Variants in NAALADL2 observed in about 807,000 individuals in gnomAD.
The protein encoded by NAALADL2 is N-acetylated alpha-linked acidic dipeptidase like 2, also known as inactive N-acetylated-alpha-linked acidic dipeptidase-like protein 2.
Under a neutral mutation model 87.2 loss-of-function variants are expected in NAALADL2, and 76 were observed. The observed-to-expected ratio is 0.87, with a 90% CI of 0.72 to 1.05. The LOEUF (loss-of-function observed/expected upper bound fraction) is 1.05, where lower values mean the gene tolerates loss of function less well. Among genes scored for constraint, NAALADL2 ranks in the 50% least tolerant of loss-of-function variants. The probability of loss-of-function intolerance (pLI) is 0.00; values close to 1 mark genes in which losing one functional copy is unlikely to be tolerated. For synonymous variants in NAALADL2, 354 were observed against 331.0 expected (o/e 1.07, Z -0.75); for missense variants, 1,089 against 945.8 (o/e 1.15, Z -1.99).
intron 2 of NAALADL2, among the ~76,000 whole-genome samples, chr3:174,577,901 T>A (rs565206235): frequency 2.0e-5 from 3 of 152,082 alleles, no homozygotes; most frequent in Non-Finnish European, 2.9e-5. Flanking sequence ...TTCTGATTAG[T>A]GAAAAGATGG....
At chr3:175,799,399 T>G (rs1416295054) in intron 13 of NAALADL2, among the ~76,000 whole-genome samples, 2 of 152,120 alleles carry the variant, frequency 1.3e-5, no homozygotes, top group Non-Finnish European at 2.9e-5. Flanking sequence ...ACTAAATGAC[T>G]TTTTCATCAT....
At chr3:175,052,218 C>G (rs1755495960) in intron 1 of NAALADL2, among the ~76,000 whole-genome samples, 1 of 152,192 alleles carries the variant, frequency 6.6e-6, no homozygotes, top group Non-Finnish European at 1.5e-5. Flanking sequence ...TTAAGAACAT[C>G]TTTCAGTGGT....
chr3:175,001,269 T>G (rs1748189875), intron 1 of NAALADL2, among the ~76,000 whole-genome samples: 1 of 152,214 alleles, frequency 6.6e-6, no homozygotes, highest in Non-Finnish European at 1.5e-5. Flanking sequence ...GAATCTGTAT[T>G]TCTGACAAGC....
At chr3:175,135,934 G>T (rs1729048431) in intron 2 of NAALADL2, among the ~76,000 whole-genome samples, 1 of 152,152 alleles carries the variant, frequency 6.6e-6, no homozygotes, top group Non-Finnish European at 1.5e-5. Flanking sequence ...TTAAATATCA[G>T]AAGCAGAACC....
chr3:175,324,028 C>CAAAAA (rs372517580), intron 4 of NAALADL2, 147 bp from the exon 5 acceptor site: 5,844 of 422,040 alleles, frequency 0.014, 17 homozygotes, highest in East Asian at 0.029. Context: ...AAAAAACAAA[C>CAAAAA]AAAAAAAAAA....
At chr3:174,939,819 T>C (rs1263489698) in intron 1 of NAALADL2, among the ~76,000 whole-genome samples, 1 of 152,070 alleles carries the variant, frequency 6.6e-6, no homozygotes, top group Non-Finnish European at 1.5e-5. Flanking sequence ...GCTGTTGTGG[T>C]ATATAGCAAT....
chr3:175,312,307 AC>A (rs1560337163), intron 4 of NAALADL2, among the ~76,000 whole-genome samples: 1 of 152,210 alleles, frequency 6.6e-6, no homozygotes, highest in Admixed American at 6.5e-5. Flanking sequence ...ATAAGAATGT[AC>A]TATGAGATGT....
At chr3:175,731,320 C>G (rs1156281047) in intron 11 of NAALADL2, among the ~76,000 whole-genome samples, 3 of 152,146 alleles carry the variant, frequency 2.0e-5, no homozygotes, top group Non-Finnish European at 4.4e-5. Context: ...AACTTCCATA[C>G]AGCTCTGATA....
chr3:174,838,930 A>G (rs1723686660), intron 3 of NAALADL2, among the ~76,000 whole-genome samples: 1 of 152,064 alleles, frequency 6.6e-6, no homozygotes, highest in African/African-American at 2.4e-5. Context: ...GCCAAATACA[A>G]TCTACAAATT....
intron 3 of NAALADL2, among the ~76,000 whole-genome samples, chr3:174,834,529 A>G (rs1332565360): frequency 6.6e-6 from 1 of 152,018 alleles, no homozygotes. Context: ...TTCAAATGTC[A>G]TGTTCCAATA....
At chr3:175,253,208 C>T (rs1452933409) in intron 3 of NAALADL2, among the ~76,000 whole-genome samples, 4 of 152,142 alleles carry the variant, frequency 2.6e-5, no homozygotes, top group South Asian at 4.1e-4. Context: ...GGCTGACTCT[C>T]GTTAGGATGT....
chr3:174,516,236 T>C (rs1719926899), intron 1 of NAALADL2, among the ~76,000 whole-genome samples: 1 of 152,066 alleles, frequency 6.6e-6, no homozygotes, highest in Non-Finnish European at 1.5e-5. Flanking sequence ...TGAGAGCAAT[T>C]TCATTTGTTA....
intron 3 of NAALADL2, among the ~76,000 whole-genome samples, chr3:174,793,538 C>G (rs9812110): frequency 0.19 from 28,635 of 152,040 alleles, 2,927 homozygotes; most frequent in East Asian, 0.35. Context: ...AATCATGTGT[C>G]CATTGATAGT....
chr3:175,790,285 T>G (rs1213546217), intron 13 of NAALADL2, among the ~76,000 whole-genome samples: 1 of 152,096 alleles, frequency 6.6e-6, no homozygotes, highest in Non-Finnish European at 1.5e-5. Flanking sequence ...GGGCCCCAGA[T>G]CCATTGTTCA....
At chr3:175,799,020 T>A (rs1016221182) in intron 13 of NAALADL2, among the ~76,000 whole-genome samples, 1 of 152,110 alleles carries the variant, frequency 6.6e-6, no homozygotes, top group Non-Finnish European at 1.5e-5. Context: ...GTTGCAATGT[T>A]ACAACTCATT....
chr3:175,562,587 G>A (rs1484815333), intron 9 of NAALADL2, among the ~76,000 whole-genome samples: 1 of 151,690 alleles, frequency 6.6e-6, no homozygotes, highest in South Asian at 2.1e-4. Flanking sequence ...TATATAGATT[G>A]CAAGTACAAT....
chr3:175,084,972 C>T (rs1718594533), intron 1 of NAALADL2, among the ~76,000 whole-genome samples: 1 of 152,140 alleles, frequency 6.6e-6, no homozygotes, highest in Admixed American at 6.5e-5. Flanking sequence ...CCTACTTTTT[C>T]TCCAAAAGAC....
intron 5 of NAALADL2, among the ~76,000 whole-genome samples, chr3:175,412,891 T>TGTATTATTA (rs1553887812): frequency 2.2e-4 from 27 of 123,012 alleles, no homozygotes; most frequent in Admixed American, 8.5e-5. Context: ...ATTTAATTTA[T>TGTATTATTA]TTATTATTAT....
rs190240591 is a variant in NAALADL2, at chr3:175,744,569, T to C, written c.1990+7170T>C. Among the ~76,000 whole-genome samples, 519 of 152,334 alleles carry C rather than the reference T, an allele frequency of 3.4e-3. 2 individuals are homozygous for C. Among genetic ancestry groups the C allele is most frequent in the South Asian group, 0.021 (102 of 4,830 alleles). On this transcript the variant is annotated intron_variant, in intron 12 of 13. Transcript: ENST00000454872. ...TTTACCATGTCCTGTGTGTGACTGT[T>C]TGATAAAATTAATAAAACCTGACAC... is the stretch of plus-strand genomic sequence containing the variant.
Sources: allele counts gnomAD v4.1 joint callset (sites outside exome capture counted in the v4.1 genomes callset), GRCh38; gene constraint gnomAD v4.1.1; transcripts MANE v1.5; gene names NCBI Gene and HGNC (gene_info 2026-07-23, HGNC 2026-07-21).